FRY: variants seen among roughly 807,000 people sequenced by gnomAD.
FRY encodes the protein protein furry homolog.
A neutral mutation model predicts 348.4 loss-of-function variants in FRY; 128 were observed. The observed-to-expected ratio is 0.37, with a 90% CI of 0.32 to 0.43. The LOEUF (loss-of-function observed/expected upper bound fraction) is 0.43, where lower values mean the gene tolerates loss of function less well. FRY is among the 20% of genes least tolerant of loss of function. The pLI, the probability that FRY is intolerant of heterozygous loss-of-function variation, is 1.00. For missense variants in FRY, 2,736 were observed against 3,695.2 expected, an observed-to-expected ratio of 0.74 and a Z score of 6.73; for synonymous variants, 1,370 against 1,374.7, an observed-to-expected ratio of 1.00 and a Z score of 0.08.
intron 55 of FRY, among the ~76,000 whole-genome samples, chr13:32,270,312 A>T (rs1474036177): frequency 2.0e-5 from 3 of 151,138 alleles, no homozygotes; most frequent in Non-Finnish European, 2.9e-5. Flanking sequence ...GGTTCAAGCG[A>T]TTCTCCTGCC....
rs555437920 is a variant in FRY at position 32,294,511 on chromosome 13, G to A, written c.8724G>A (p.Met2908Ile). The change falls in exon 60 of 61, where the codon ATG becomes ATA. Residue 2908 changes from methionine (M) to isoleucine (I), a missense_variant. Transcript: ENST00000542859. ...CCACTGAAGCAGCCATCCAGTCCAT[G>A]CTGGAGTGCCTGAAGAACAACGAAC... is the stretch of plus-strand genomic sequence containing the variant. ...FTSTEAAIQS[M>I]LECLKNNELG... 2.5e-6 allele frequency: 4 copies of A among 1,614,156 alleles called. No homozygotes were observed. Among genetic ancestry groups the A allele is most frequent in the Admixed American group, 1.7e-5 (1 of 60,028 alleles).
rs765808135 is a variant in FRY at position 32,134,963 on chromosome 13, G to A, written c.945G>A (p.Gly315=). ...AAGATATCAAGCATGCCTTGGCTGG[G>A]CTTTTTGTTGAAATACTTGTTCCAG... ...KDKDIKHALA[G]LFVEILVPVA... The change falls in exon 9 of 61, where the codon GGG becomes GGA. Residue 315 remains glycine (G), a synonymous_variant. Coordinates refer to ENST00000542859, the MANE Select transcript of FRY (RefSeq NM_023037.3). 6.2e-7 allele frequency: 1 copy of A among 1,612,918 alleles called. No homozygotes were observed. Among genetic ancestry groups the A allele is most frequent in the East Asian group, 2.2e-5 (1 of 44,864 alleles).
At chr13:32,259,740 C>T (rs1489871808) in intron 51 of FRY, among the ~76,000 whole-genome samples, 2 of 152,076 alleles carry the variant, frequency 1.3e-5, no homozygotes, top group Non-Finnish European at 2.9e-5. Flanking sequence ...TTTCTTTACA[C>T]ATTGGATTTT....
Position 32,237,637 on chromosome 13 carries a change from C to T in FRY, c.6069C>T (p.Ser2023=). 1 of 1,614,130 alleles carries T rather than the reference C, an allele frequency of 6.2e-7. No homozygotes were observed. The highest frequency in any genetic ancestry group is 8.5e-7 in the Non-Finnish European group (1 of 1,179,998). Residue 2023 remains serine, a synonymous_variant, in exon 44 of 61, where the codon TCC becomes TCT. Transcript: ENST00000542859. This position sits in a 1 kb window ranked among gnomAD's most constrained non-coding sequence, Gnocchi z 6.3. ...GLSSKTRSSS[S]LKDSLTDPSH... ...CCTCAAAAACCAGAAGCTCATCCTC[C>T]TTGAAGGACAGTCTCACGGACCCAT...
intron 1 of FRY, among the ~76,000 whole-genome samples, chr13:32,044,467 T>G (rs895663847): frequency 1.3e-5 from 2 of 152,232 alleles, no homozygotes; most frequent in African/African-American, 4.8e-5. Flanking sequence ...CCTTACATCC[T>G]ATTGAGGCAA....
chr13:32,172,426 C>T (rs1593695448), intron 18 of FRY, among the ~76,000 whole-genome samples: 1 of 152,178 alleles, frequency 6.6e-6, no homozygotes, highest in East Asian at 1.9e-4. Flanking sequence ...TAGCCAGAAA[C>T]ATATGGGCTG....
intron 1 of FRY, among the ~76,000 whole-genome samples, chr13:32,067,977 C>A (rs1047063865): frequency 1.3e-4 from 20 of 152,216 alleles, no homozygotes; most frequent in African/African-American, 4.6e-4. Flanking sequence ...GGTCCCAGGG[C>A]AGCAGCACCA....
intron 29 of FRY, among the ~76,000 whole-genome samples, chr13:32,200,760 C>T (rs1273011085): frequency 6.6e-6 from 1 of 152,124 alleles, no homozygotes; most frequent in Non-Finnish European, 1.5e-5. Flanking sequence ...GTTATACTGC[C>T]AATTGCCACA....
intron 11 of FRY, among the ~76,000 whole-genome samples, chr13:32,138,947 G>T (rs1164516408): frequency 6.6e-6 from 1 of 152,096 alleles, no homozygotes; most frequent in African/African-American, 2.4e-5. Context: ...CATACCCCAC[G>T]AATCACGAAA....
chr13:32,114,395 A>G (rs1053236562), intron 3 of FRY, among the ~76,000 whole-genome samples: 4 of 152,188 alleles, frequency 2.6e-5, no homozygotes, highest in African/African-American at 9.7e-5. Context: ...GGAGATTGCA[A>G]AGGATATAGA....
chr13:32,086,850 C>T (rs539342876), intron 2 of FRY, among the ~76,000 whole-genome samples: 4 of 152,148 alleles, frequency 2.6e-5, no homozygotes, highest in South Asian at 4.1e-4. Context: ...CTTTTTATGA[C>T]GAAAGATGAG....
At chr13:32,278,364 A>G (rs913290167) in intron 57 of FRY, 101 bp from the exon 58 acceptor site, 1 of 751,556 alleles carries the variant, frequency 1.3e-6, no homozygotes, top group South Asian at 1.4e-5. Flanking sequence ...TCATTTTACT[A>G]TTATTAGAAC....
At chr13:32,077,496 G>T (rs774142299) in intron 1 of FRY, among the ~76,000 whole-genome samples, 1 of 152,180 alleles carries the variant, frequency 6.6e-6, no homozygotes, top group Admixed American at 6.5e-5. Flanking sequence ...CTGAGATCTG[G>T]AAAGACCGTT....
At chr13:32,197,515 C>T (rs1883744929) in intron 29 of FRY, among the ~76,000 whole-genome samples, 1 of 152,142 alleles carries the variant, frequency 6.6e-6, no homozygotes, top group Non-Finnish European at 1.5e-5. Context: ...GGTTCAAATC[C>T]TCACTCCACC....
In FRY at chr13:32,268,498, AAAAAAAAATATATATATATATAT is replaced by A. The variant is rs1200593554; in HGVS notation, c.8136+1141_8136+1163del. On this transcript the variant is annotated intron_variant, in intron 55 of 60. Transcript: ENST00000542859. ...GAGAAAGCTAGTTTAAAAAAAAAAAAAAAAAAAATATATATATATATATATATATATATATATATATCTAGATT... is the reference window on the plus strand; with the variant it reads ...GAGAAAGCTAGTTTAAAAAAAAAAAAATATATATATATATATATCTAGATT... Among the ~76,000 whole-genome samples, 33 of 19,674 alleles carry A rather than the reference AAAAAAAAATATATATATATATAT, an allele frequency of 1.7e-3. 1 individual carries two copies. The highest frequency in any genetic ancestry group is 3.8e-3 in the African/African-American group (32 of 8,470). 12.9% of individuals were successfully genotyped at this position (19,674 alleles called of 152,430 possible).
Position 32,276,502 on chromosome 13 carries a change from T to C in FRY, c.8325T>C (p.Ser2775=). 6.2e-7 allele frequency: 1 copy of C among 1,606,202 alleles called. No individual in the cohort carries two copies. The highest frequency in any genetic ancestry group is 8.5e-7 in the Non-Finnish European group (1 of 1,172,802). ...GACTTCTGGACAAGCTCAAGTTCAG[T>C]GTGTTAGAACTGCAAGAATATTTGG... ...SCGLLDKLKF[S]VLELQEYLDT... Residue 2775 remains serine, a synonymous_variant, in exon 57 of 61, where the codon AGT becomes AGC. Transcript: ENST00000542859.
At chr13:32,215,758 C>T (rs1350987445) in intron 35 of FRY, among the ~76,000 whole-genome samples, 4 of 152,118 alleles carry the variant, frequency 2.6e-5, no homozygotes, top group South Asian at 2.1e-4. Flanking sequence ...CTTGTAGAGA[C>T]GGAGTTTCAC....
intron 1 of FRY, among the ~76,000 whole-genome samples, chr13:32,071,105 G>A (rs1874626237): frequency 6.6e-6 from 1 of 152,096 alleles, no homozygotes; most frequent in Admixed American, 6.6e-5. Flanking sequence ...TGCTGTTTTG[G>A]TTACTGTAGC....
intron 11 of FRY, among the ~76,000 whole-genome samples, chr13:32,142,456 A>T (rs929367474): frequency 6.6e-6 from 1 of 152,228 alleles, no homozygotes; most frequent in African/African-American, 2.4e-5. Flanking sequence ...TTTCTGAGAA[A>T]ACAATACTTA....
Sources: allele counts gnomAD v4.1 joint callset (sites outside exome capture counted in the v4.1 genomes callset), GRCh38; gene constraint gnomAD v4.1.1; non-coding constraint Gnocchi (gnomAD v3.1); transcripts MANE v1.5; gene names NCBI Gene and HGNC (gene_info 2026-07-23, HGNC 2026-07-21).